Variants in IMMP2L observed in about 807,000 individuals in gnomAD.
The protein encoded by IMMP2L is inner mitochondrial membrane peptidase subunit 2.
In IMMP2L, 18 loss-of-function variants were observed where a neutral mutation model predicts 19.3. The ratio of observed to expected loss-of-function variants is 0.93; its 90% confidence interval spans 0.64 to 1.38. The LOEUF (loss-of-function observed/expected upper bound fraction) is 1.38. Ranked by LOEUF, IMMP2L falls within the 40% of genes most tolerant of loss-of-function variation. The pLI, the probability that IMMP2L is intolerant of heterozygous loss-of-function variation, is 0.00. For synonymous variants in IMMP2L, 76 were observed against 73.0 expected (o/e 1.04, Z -0.21); for missense variants, 233 against 218.2 (o/e 1.07, Z -0.43).
chr7:110,897,503 G>C (rs1412747537), intron 4 of IMMP2L, among the ~76,000 whole-genome samples: 1 of 152,166 alleles, frequency 6.6e-6, no homozygotes, highest in Non-Finnish European at 1.5e-5. Context: ...GTAGAAATAG[G>C]AAGAGTTATA....
rs1423261808 is a variant in IMMP2L at position 111,210,137 on chromosome 7, GT to G, written c.240-246573del. 2.0e-5 allele frequency among the ~76,000 whole-genome samples: 3 copies of G among 152,200 alleles called. No homozygotes were observed. The East Asian group carries it at 5.8e-4, about 29-fold the overall frequency. On this transcript the variant is annotated intron_variant, in intron 3 of 5. Transcript: ENST00000405709. ...ATAGCTCCATTTGGTAGGAGACTTTGTTTTTTGCTTTCTTGACTCTCTGCTT... is the reference window on the plus strand; with the variant it reads ...ATAGCTCCATTTGGTAGGAGACTTTGTTTTTGCTTTCTTGACTCTCTGCTT...
rs760109646 is a variant in IMMP2L, at chr7:111,249,921, G to T, written c.239+237317C>A. On this transcript the variant is annotated intron_variant, in intron 3 of 5. Transcript: ENST00000405709. ...TTCTGGCCAGGGCAATCAGGCAAGA[G>T]AAAGAAATAAAGGATATTCAAACAG... is the stretch of plus-strand genomic sequence containing the variant. Among the ~76,000 whole-genome samples, 23 of 152,174 alleles carry T rather than the reference G, an allele frequency of 1.5e-4. 1 individual carries two copies. The highest frequency in any genetic ancestry group is 2.6e-4 in the Admixed American group (4 of 15,276).
intron 5 of IMMP2L, among the ~76,000 whole-genome samples, chr7:110,720,219 T>C (rs79367178): frequency 0.017 from 2,550 of 152,150 alleles, 82 homozygotes; most frequent in African/African-American, 0.057. Flanking sequence ...GGTACCCAAA[T>C]TGGAATTAAG....
Position 111,300,280 on chromosome 7 carries a change from A to G in IMMP2L, c.239+186958T>C, listed in dbSNP as rs774847702. ...AGCAGACCCACCTGAAGATCTTTCT[A>G]AAAGTACAGACACGGACCCCACCAG... is the stretch of plus-strand genomic sequence containing the variant. On this transcript the variant is annotated intron_variant, in intron 3 of 5. Transcript: ENST00000405709. Among the ~76,000 whole-genome samples the G allele has an allele frequency of 6.6e-5, 10 of 152,204 alleles. 1 individual carries two copies. Among genetic ancestry groups the G allele is most frequent in the Admixed American group, 2.0e-4 (3 of 15,268 alleles).
intron 3 of IMMP2L, among the ~76,000 whole-genome samples, chr7:110,978,187 C>T (rs557924674): frequency 6.6e-6 from 1 of 152,130 alleles, no homozygotes; most frequent in East Asian, 1.9e-4. Flanking sequence ...TATTAGTCCA[C>T]TACTTAGTCT....
chr7:111,504,939 A>C (rs900143269), intron 2 of IMMP2L, among the ~76,000 whole-genome samples: 1 of 151,972 alleles, frequency 6.6e-6, no homozygotes, highest in African/African-American at 2.4e-5. Flanking sequence ...AAAACACCAA[A>C]AGCAATGGCA....
Position 111,437,591 on chromosome 7 carries a change from C to T in IMMP2L, c.239+49647G>A, listed in dbSNP as rs556353288. Among the ~76,000 whole-genome samples, 55 of 151,996 alleles carry T rather than the reference C, an allele frequency of 3.6e-4. 1 individual carries two copies. The highest frequency in any genetic ancestry group is 6.5e-4 in the Non-Finnish European group (44 of 68,022). On this transcript the variant is annotated intron_variant, in intron 3 of 5. Transcript: ENST00000405709. ...TATATGTAAAATAATTTTAATTATA[C>T]CATTTATAAAAGATTTTATTTTTTA...
At chr7:111,072,456 G>A (rs775666907) in intron 3 of IMMP2L, among the ~76,000 whole-genome samples, 10 of 151,874 alleles carry the variant, frequency 6.6e-5, no homozygotes, top group Non-Finnish European at 1.5e-4. Context: ...TTAATGCAGT[G>A]TAAACTGCAT....
chr7:111,158,464 T>C (rs1009455905), intron 3 of IMMP2L, among the ~76,000 whole-genome samples: 1 of 152,130 alleles, frequency 6.6e-6, no homozygotes, highest in Non-Finnish European at 1.5e-5. Context: ...GTGACAATTA[T>C]GCCTTGAGGT....
At chr7:111,512,975 GCCTGAAACTGTAAAACTA>G (rs950435887) in intron 2 of IMMP2L, among the ~76,000 whole-genome samples, 15 of 152,124 alleles carry the variant, frequency 9.9e-5, no homozygotes, top group African/African-American at 3.1e-4. Flanking sequence ...TAAAGATGAT[GCCTGAAACTGTAAAACTA>G]CCTGAAACTG....
intron 4 of IMMP2L, among the ~76,000 whole-genome samples, chr7:110,932,677 C>A (rs1318110137): frequency 6.6e-6 from 1 of 152,096 alleles, no homozygotes; most frequent in Non-Finnish European, 1.5e-5. Context: ...TTTACATTCT[C>A]CAGTGACATT....
At chr7:110,773,459 A>C (rs1357045304) in intron 5 of IMMP2L, among the ~76,000 whole-genome samples, 1 of 152,142 alleles carries the variant, frequency 6.6e-6, no homozygotes, top group African/African-American at 2.4e-5. Context: ...TACTTCATAT[A>C]GTGGGTCCTG....
chr7:111,454,382 T>A (rs1839499540), intron 3 of IMMP2L, among the ~76,000 whole-genome samples: 1 of 152,106 alleles, frequency 6.6e-6, no homozygotes, highest in South Asian at 2.1e-4. Flanking sequence ...AAAGTATATA[T>A]TTTGTGATCA....
chr7:110,777,646 T>C (rs1799481244), intron 5 of IMMP2L, among the ~76,000 whole-genome samples: 2 of 151,986 alleles, frequency 1.3e-5, no homozygotes, highest in South Asian at 4.1e-4. Context: ...TATAAATATG[T>C]TTGGCAGAAG....
chr7:111,252,879 T>A (rs1816302430), intron 3 of IMMP2L, among the ~76,000 whole-genome samples: 1 of 152,166 alleles, frequency 6.6e-6, no homozygotes, highest in Middle Eastern at 3.2e-3. Context: ...AGTTACATGG[T>A]TCCAAAACTG....
intron 4 of IMMP2L, among the ~76,000 whole-genome samples, chr7:110,931,204 T>G (rs1260574344): frequency 6.6e-6 from 1 of 152,154 alleles, no homozygotes; most frequent in Non-Finnish European, 1.5e-5. Context: ...TTCCAAATAT[T>G]TCTATGAGAA....
At chr7:111,550,653 C>A (rs1240202955) in intron 1 of IMMP2L, among the ~76,000 whole-genome samples, 2 of 152,130 alleles carry the variant, frequency 1.3e-5, no homozygotes, top group African/African-American at 4.8e-5. Context: ...ATATCTGCGG[C>A]AATCTTAATC....
chr7:110,733,150 G>T (rs568641386), intron 5 of IMMP2L, among the ~76,000 whole-genome samples: 36 of 152,132 alleles, frequency 2.4e-4, no homozygotes, highest in Non-Finnish European at 4.9e-4. Context: ...CTAAAACAGT[G>T]ATTTAAACAA....
At chr7:110,893,798 G>A (rs1202577191) in intron 4 of IMMP2L, among the ~76,000 whole-genome samples, 2 of 152,094 alleles carry the variant, frequency 1.3e-5, no homozygotes, top group Non-Finnish European at 2.9e-5. Flanking sequence ...GGCTCACATG[G>A]TACGTGAATG....
Sources: allele counts gnomAD v4.1 joint callset (sites outside exome capture counted in the v4.1 genomes callset), GRCh38; gene constraint gnomAD v4.1.1; transcripts MANE v1.5; gene names NCBI Gene and HGNC (gene_info 2026-07-23, HGNC 2026-07-21).